The following PCDHGA2 variants were observed in gnomAD, a reference collection of about 807,000 sequenced individuals.
PCDHGA2 encodes the protein protocadherin gamma-A2.
A neutral mutation model predicts 59.2 loss-of-function variants in PCDHGA2; 40 were observed. The ratio of observed to expected loss-of-function variants is 0.68; its 90% CI spans 0.52 to 0.88. PCDHGA2 has a LOEUF of 0.88. PCDHGA2 is among the 40% of genes least tolerant of loss of function. The pLI, the probability that PCDHGA2 is intolerant of heterozygous loss-of-function variation, is 0.00. For synonymous variants in PCDHGA2, 560 were observed against 526.0 expected, an observed-to-expected ratio of 1.06 and a Z score of -0.89; for missense variants, 1,226 against 1,204.0, an observed-to-expected ratio of 1.02 and a Z score of -0.27.
At chr5:141,347,066 CCTTCCTCT>C (rs1757859037) in intron 1 of PCDHGA2, among the ~76,000 whole-genome samples, 9 of 149,974 alleles carry the variant, frequency 6.0e-5, no homozygotes, top group Admixed American at 4.0e-4. Context: ...TTCCTTCCTT[CCTTCCTCT>C]CTCTCTTTCC....
chr5:141,415,031 G>T lies in PCDHGA2; in HGVS notation c.2424+73636G>T, dbSNP rs982540695. The T allele has an allele frequency of 6.2e-6, 10 of 1,613,464 alleles. No individual in the cohort carries two copies. The highest frequency in any genetic ancestry group is 6.8e-6 in the Non-Finnish European group (8 of 1,179,984). On this transcript the variant is annotated intron_variant, in intron 1 of 3. Transcript: ENST00000394576. ...CGTCTGCTCAAGGCCAGCGAGCCGGGACTCTTCGCGGTGGGGGAGCACACG... is the reference window on the plus strand; with the variant it reads ...CGTCTGCTCAAGGCCAGCGAGCCGGTACTCTTCGCGGTGGGGGAGCACACG...
At chr5:141,412,100 C>G (rs1041242156) in intron 1 of PCDHGA2, 2 of 152,180 alleles carry the variant, frequency 1.3e-5, no homozygotes, top group Non-Finnish European at 2.9e-5. Context: ...TGGGCACACA[C>G]AGTTGAAGAT....
intron 1 of PCDHGA2, among the ~76,000 whole-genome samples, chr5:141,354,516 T>C (rs1475346622): frequency 6.6e-6 from 1 of 152,216 alleles, no homozygotes; most frequent in Non-Finnish European, 1.5e-5. Context: ...TGCAAGGGAA[T>C]TGAAGCATTG....
intron 1 of PCDHGA2, among the ~76,000 whole-genome samples, chr5:141,406,035 T>C (rs989362338): frequency 4.6e-5 from 7 of 151,898 alleles, no homozygotes; most frequent in Non-Finnish European, 1.0e-4. Flanking sequence ...GGTTGCTTCA[T>C]TGGTTGCAGT....
Position 141,355,592 on chromosome 5 carries a change from C to A in PCDHGA2, c.2424+14197C>A, listed in dbSNP as rs748609994. ...ATAATCGATGTTAATGATAACCCAC[C>A]CAGTTTTGGGACAGAACAGAGGGAA... is the stretch of plus-strand genomic sequence containing the variant. On this transcript the variant is annotated intron_variant, in intron 1 of 3. Coordinates refer to ENST00000394576, the MANE Select transcript of PCDHGA2 (RefSeq NM_018915.4). The A allele has an allele frequency of 2.5e-6, 4 of 1,613,844 alleles. No individual in the cohort carries two copies. The African/African-American group carries it at 5.3e-5, about 22-fold the overall frequency.
chr5:141,399,775 G>T, intron 1 of PCDHGA2: 3 of 1,613,282 alleles, frequency 1.9e-6, no homozygotes, highest in Non-Finnish European at 2.5e-6. Context: ...GTTGGTGGGC[G>T]ACCGAAACGA....
At chr5:141,366,786 A>T in intron 1 of PCDHGA2, 3 of 1,575,572 alleles carry the variant, frequency 1.9e-6, no homozygotes, top group Non-Finnish European at 2.6e-6. Context: ...TGACCAGAAC[A>T]TTTTCATTTG....
rs141034739 is a variant in PCDHGA2 at position 141,491,100 on chromosome 5, C to T, written c.2425-3707C>T. The T allele has an allele frequency of 2.7e-4, 430 of 1,614,138 alleles. No homozygotes were observed. The African/African-American group carries it at 4.7e-3, about 18-fold the overall frequency. ...AGTCCACAGCCCCAGGACTGTTCCT[C>T]GTGTCTACACACACTGGTGAGGTGC... On this transcript the variant is annotated intron_variant, in intron 1 of 3. Transcript: ENST00000394576. The surrounding 1 kb of genome is among the most constrained non-coding windows in gnomAD (Gnocchi z 6.9).
intron 1 of PCDHGA2, chr5:141,357,283 G>A (rs1331932822): frequency 6.2e-7 from 1 of 1,613,948 alleles, no homozygotes; most frequent in East Asian, 2.2e-5. Context: ...CTATCTCGTG[G>A]TGGCAGTGGC....
intron 1 of PCDHGA2, among the ~76,000 whole-genome samples, chr5:141,437,034 C>T (rs1282216386): frequency 1.3e-5 from 2 of 152,194 alleles, no homozygotes. Context: ...AAATGGATCA[C>T]CGAAACCAGA....
chr5:141,488,502 C>T (rs989368385), intron 1 of PCDHGA2, among the ~76,000 whole-genome samples: 2 of 152,146 alleles, frequency 1.3e-5, no homozygotes, highest in Non-Finnish European at 2.9e-5. Context: ...ACACTCATTC[C>T]ACATTTGGGG....
intron 1 of PCDHGA2, chr5:141,415,857 T>G (rs1271614762): frequency 1.7e-6 from 2 of 1,194,900 alleles, no homozygotes; most frequent in Non-Finnish European, 2.2e-6. Flanking sequence ...AACCTTGTAG[T>G]TTATAGTGTT....
At chr5:141,376,066 C>A in intron 1 of PCDHGA2, 1 of 1,613,396 alleles carries the variant, frequency 6.2e-7, no homozygotes, top group Non-Finnish European at 8.5e-7. Flanking sequence ...TCACGCTCAC[C>A]GTGGCCGTGG....
intron 1 of PCDHGA2, among the ~76,000 whole-genome samples, chr5:141,353,727 G>A (rs1041652885): frequency 3.9e-5 from 6 of 151,998 alleles, no homozygotes; most frequent in African/African-American, 1.5e-4. Context: ...AGATTTCTGA[G>A]GAATTAGTTA....
chr5:141,384,788 G>C (rs765446040), intron 1 of PCDHGA2: 21 of 1,613,120 alleles, frequency 1.3e-5, no homozygotes, highest in African/African-American at 2.7e-5. Context: ...CGCACGGCTC[G>C]GGCCCTGCTG....
intron 1 of PCDHGA2, chr5:141,395,295 T>G: frequency 1.3e-6 from 2 of 1,525,988 alleles, no homozygotes; most frequent in Middle Eastern, 1.8e-4. Flanking sequence ...TGGCATAAAT[T>G]ATGTTTTGAA....
At chr5:141,364,424 C>T (rs1029173533) in intron 1 of PCDHGA2, 1 of 1,613,570 alleles carries the variant, frequency 6.2e-7, no homozygotes, top group Non-Finnish European at 8.5e-7. Context: ...CGGGCAGATC[C>T]GCTACTCGAT....
chr5:141,482,530 C>CAAAAAAAAAAA (rs3074545), intron 1 of PCDHGA2, among the ~76,000 whole-genome samples: 21 of 76,546 alleles, frequency 2.7e-4, no homozygotes, highest in African/African-American at 4.8e-4. Context: ...GACAGACATG[C>CAAAAAAAAAAA]AAAAAAAAAA....
chr5:141,479,651 C>A (rs56818742), intron 1 of PCDHGA2: 43,954 of 152,194 alleles, frequency 0.29, 6,853 homozygotes, highest in African/African-American at 0.41. Flanking sequence ...ACAACAACAA[C>A]AATCCCAGAA....
Sources: allele counts gnomAD v4.1 joint callset (sites outside exome capture counted in the v4.1 genomes callset), GRCh38; gene constraint gnomAD v4.1.1; non-coding constraint Gnocchi (gnomAD v3.1); transcripts MANE v1.5; gene names NCBI Gene and HGNC (gene_info 2026-07-23, HGNC 2026-07-21).